The following DMXL1 variants were observed in gnomAD, a reference collection of about 807,000 sequenced individuals.
DMXL1 encodes the protein Dmx like 1.
In DMXL1, 99 loss-of-function variants were observed where a neutral mutation model predicts 319.2. That is an observed-to-expected ratio of 0.31 (90% confidence interval 0.26 to 0.37). The LOEUF (loss-of-function observed/expected upper bound fraction) is 0.37, where lower values mean the gene tolerates loss of function less well. Ranked by LOEUF, DMXL1 falls within the 10% of genes least tolerant of loss-of-function variation. The probability of loss-of-function intolerance (pLI) is 1.00; values close to 1 mark genes in which losing one functional copy is unlikely to be tolerated. For synonymous variants in DMXL1, 1,385 were observed against 1,235.2 expected, an observed-to-expected ratio of 1.12 and a Z score of -2.54; for missense variants, 3,745 against 3,595.6, an observed-to-expected ratio of 1.04 and a Z score of -1.06.
intron 1 of DMXL1, among the ~76,000 whole-genome samples, chr5:119,084,294 A>G (rs1752852437): frequency 6.6e-6 from 1 of 151,720 alleles, no homozygotes; most frequent in Admixed American, 6.6e-5. Context: ...TAATTTTTGT[A>G]TTTATAGTAG....
At chr5:119,160,520 G>T (rs796895958) in intron 19 of DMXL1, among the ~76,000 whole-genome samples, 48 of 152,218 alleles carry the variant, frequency 3.2e-4, no homozygotes, top group African/African-American at 9.9e-4. Context: ...TTGCTGTTTG[G>T]TAGAATGTTC....
At position 119,096,127 on chromosome 5, in the gene DMXL1, A is replaced by G. The variant is rs557478801; in HGVS notation, c.88-1852A>G. The stretch of plus-strand genomic sequence containing the variant: ...CATTTTTAATATTTTTTGATAGAGT[A>G]TACAGAATAATTTTGGTTTTGGTAG... On this transcript the variant is annotated intron_variant, in intron 1 of 43. Coordinates refer to ENST00000539542, the MANE Select transcript of DMXL1 (RefSeq NM_001290321.3). Among the ~76,000 whole-genome samples, 25 of 151,982 alleles carry G rather than the reference A, an allele frequency of 1.6e-4. No individual in the cohort carries two copies. The South Asian group carries it at 5.0e-3, about 30-fold the overall frequency.
chr5:119,189,909 C>G, intron 29 of DMXL1, 23 bp downstream of exon 29: 1 of 1,580,192 alleles, frequency 6.3e-7, no homozygotes, highest in Non-Finnish European at 8.7e-7. Flanking sequence ...CTATCTAGAT[C>G]AATATTTTCA....
At chr5:119,205,925 A>G in intron 33 of DMXL1, among the ~76,000 whole-genome samples, 1 of 152,096 alleles carries the variant, frequency 6.6e-6, no homozygotes, top group African/African-American at 2.4e-5. Flanking sequence ...AGATACATAT[A>G]TGACAGGCCC....
chr5:119,161,983 T>C (rs185188149), intron 19 of DMXL1, among the ~76,000 whole-genome samples: 66 of 152,314 alleles, frequency 4.3e-4, no homozygotes, highest in Admixed American at 4.3e-3. Context: ...CCAGATGATC[T>C]AGCTGTGACA....
intron 38 of DMXL1, among the ~76,000 whole-genome samples, chr5:119,230,656 G>T (rs1198916856): frequency 6.6e-6 from 1 of 152,158 alleles, no homozygotes; most frequent in Non-Finnish European, 1.5e-5. Flanking sequence ...GCCAAGGCGG[G>T]CAGATCACAA....
chr5:119,150,944 A>G (rs1454015526), intron 18 of DMXL1, among the ~76,000 whole-genome samples: 2 of 151,898 alleles, frequency 1.3e-5, no homozygotes, highest in Non-Finnish European at 2.9e-5. Flanking sequence ...CGAGTGCACA[A>G]AGACTCGTTA....
intron 9 of DMXL1, chr5:119,128,010 C>T (rs372295350): frequency 2.2e-5 from 9 of 407,374 alleles, no homozygotes; most frequent in African/African-American, 1.9e-4. Context: ...AGGCATCTGA[C>T]ATCTGTTTTA....
chr5:119,209,940 C>A (rs1026680270), intron 34 of DMXL1, among the ~76,000 whole-genome samples: 6 of 152,018 alleles, frequency 3.9e-5, no homozygotes, highest in African/African-American at 1.2e-4. Flanking sequence ...TATGGCTTGT[C>A]TTTTCATTCT....
At chr5:119,077,787 G>GTA (rs1554081000) in intron 1 of DMXL1, among the ~76,000 whole-genome samples, 9,988 of 136,622 alleles carry the variant, frequency 0.073, 534 homozygotes, top group Non-Finnish European at 0.11. Context: ...GTGTGTGTGT[G>GTA]TATATCTGTA....
At chr5:119,071,714 C>T (rs945005225) in intron 1 of DMXL1, 58 bp downstream of exon 1, 1 of 1,491,206 alleles carries the variant, frequency 6.7e-7, no homozygotes, top group Non-Finnish European at 9.0e-7. Context: ...TCATTCTGGG[C>T]CGAGCTTGGC....
Position 119,133,148 on chromosome 5 carries a change from T to G in DMXL1, c.1332T>G (p.Val444=), listed in dbSNP as rs775307594. The part of the protein sequence containing the change: ...VKSDEETDDG[V]DDLKINPEKK... ...TGCTTATAGAAACTGATGATGGTGTTGATGATCTGAAAATAAATCCCGAAA... is the reference window on the plus strand; with the variant it reads ...TGCTTATAGAAACTGATGATGGTGTGGATGATCTGAAAATAAATCCCGAAA... Residue 444 remains valine, a synonymous_variant, in exon 11 of 44, where the codon GTT becomes GTG. Coordinates refer to ENST00000539542, the MANE Select transcript of DMXL1 (RefSeq NM_001290321.3). The G allele has an allele frequency of 3.1e-6, 5 of 1,614,082 alleles. No individual in the cohort carries two copies.
intron 17 of DMXL1, among the ~76,000 whole-genome samples, chr5:119,148,509 A>G (rs1045665678): frequency 2.6e-5 from 4 of 152,014 alleles, no homozygotes; most frequent in Non-Finnish European, 4.4e-5. Context: ...CTTTTTATAT[A>G]CCTTTCTGAT....
intron 39 of DMXL1, among the ~76,000 whole-genome samples, chr5:119,236,053 G>GTCTT (rs139845171): frequency 0.027 from 4,120 of 152,038 alleles, 167 homozygotes; most frequent in East Asian, 0.14. Context: ...AGTCATATCA[G>GTCTT]TTAAATTTTT....
Position 119,170,489 on chromosome 5 carries a change from A to T in DMXL1, c.5698A>T (p.Thr1900Ser), listed in dbSNP as rs146884065. Residue 1900 changes from threonine to serine, a missense_variant, in exon 24 of 44, where the codon ACT becomes TCT. By Grantham distance (58) the Thr-to-Ser change is moderately conservative (BLOSUM62 1). Transcript: ENST00000539542. Reference protein sequence around the residue: ...PFYRASSFLDTSKDCSPSSPL... With the variant: ...PFYRASSFLDSSKDCSPSSPL... ...TTATAGGGCTTCTAGTTTTCTGGATACTAGTAAAGACTGTTCTCCTTCTTC... is the reference window on the plus strand; with the variant it reads ...TTATAGGGCTTCTAGTTTTCTGGATTCTAGTAAAGACTGTTCTCCTTCTTC... The T allele has an allele frequency of 1.5e-4, 247 of 1,613,462 alleles. No individual in the cohort carries two copies. The highest frequency in any genetic ancestry group is 1.9e-4 in the Non-Finnish European group (223 of 1,179,816).
At chr5:119,242,108 A>G (rs754617923) in intron 42 of DMXL1, among the ~76,000 whole-genome samples, 35 of 152,202 alleles carry the variant, frequency 2.3e-4, no homozygotes, top group Admixed American at 5.2e-4. Context: ...ACTAGTATCT[A>G]CATATGTTTT....
intron 28 of DMXL1, among the ~76,000 whole-genome samples, chr5:119,179,015 C>G (rs191512549): frequency 6.6e-6 from 1 of 152,196 alleles, no homozygotes; most frequent in East Asian, 1.9e-4. Context: ...AAAAACATTT[C>G]AAATTAGGCT....
chr5:119,077,754 A>AGT (rs59365686), intron 1 of DMXL1, among the ~76,000 whole-genome samples: 18,841 of 125,044 alleles, frequency 0.15, 1,650 homozygotes, highest in African/African-American at 0.25. Flanking sequence ...TTATTTTTTA[A>AGT]GTGTGTGTGT....
Position 119,147,252 on chromosome 5 carries a change from A to G in DMXL1, c.2693A>G (p.Glu898Gly), listed in dbSNP as rs938470933. Residue 898 changes from glutamate to glycine, a missense_variant, in exon 17 of 44, where the codon GAA (glutamate) becomes GGA (glycine). Physicochemically the swap from Glu to Gly is moderately conservative, Grantham distance 98. Transcript: ENST00000539542. ...HLKSIPVSLD[E>G]KVDTKLSEAV... ...GTTCTTTTCTTATGTTTTGTAGATGAAAAAGTAGATACAAAATTATCCGAA... is the reference window on the plus strand; with the variant it reads ...GTTCTTTTCTTATGTTTTGTAGATGGAAAAGTAGATACAAAATTATCCGAA... 1.2e-6 allele frequency: 2 copies of G among 1,610,844 alleles called. No individual in the cohort carries two copies. The highest frequency in any genetic ancestry group is 2.7e-5 in the African/African-American group (2 of 74,742).
Sources: allele counts gnomAD v4.1 joint callset (sites outside exome capture counted in the v4.1 genomes callset), GRCh38; gene constraint gnomAD v4.1.1; transcripts MANE v1.5; gene names NCBI Gene and HGNC (gene_info 2026-07-23, HGNC 2026-07-21).